AUTS2: variants seen among roughly 807,000 people sequenced by gnomAD.
AUTS2 encodes activator of transcription and developmental regulator AUTS2.
A neutral mutation model predicts 112.4 loss-of-function variants in AUTS2; 17 were observed. The ratio of observed to expected loss-of-function variants is 0.15; its 90% CI spans 0.10 to 0.23. The LOEUF is 0.23. Ranked by LOEUF, AUTS2 falls within the 10% of genes least tolerant of loss-of-function variation. The probability of loss-of-function intolerance (pLI) is 1.00; values close to 1 mark genes in which losing one functional copy is unlikely to be tolerated. For missense variants in AUTS2, 1,510 were observed against 1,701.6 expected (o/e 0.89, Z 1.98); for synonymous variants, 751 against 702.7 (o/e 1.07, Z -1.09).
intron 4 of AUTS2, among the ~76,000 whole-genome samples, chr7:70,266,564 A>T (rs996743646): frequency 6.6e-6 from 1 of 152,294 alleles, no homozygotes; most frequent in East Asian, 1.9e-4. Context: ...GTGGGGTCTG[A>T]TGGCAAATTG....
Position 69,599,700 on chromosome 7 carries a change from C to T in AUTS2, c.47C>T (p.Ser16Leu). The T allele has an allele frequency of 7.5e-7, 1 of 1,326,090 alleles. No individual in the cohort carries two copies. Among genetic ancestry groups the T allele is most frequent in the Non-Finnish European group, 9.6e-7 (1 of 1,042,456 alleles). 82.1% of individuals were successfully genotyped at this position (1,326,090 alleles called of 1,614,324 possible). A position where few individuals can be genotyped will look rare whatever the true frequency, so the allele number is the denominator to read the frequency against. The change falls in exon 1 of 19, where the codon TCG becomes TTG. Residue 16 changes from serine (S) to leucine (L), a missense_variant. Around this residue, in one of 3 missense-constraint regions of AUTS2, gnomAD observed 535 missense variants for 594.3 expected, o/e 0.90. Transcript: ENST00000342771. The surrounding 1 kb of genome is among the most constrained non-coding windows in gnomAD (Gnocchi z 7.0). ...CATGGACTCCGCAAAAAGCGGCGGT[C>T]GCGGTCGCAGCGAGACCGGGAGAGG... Reference protein sequence around the residue: ...RGHGLRKKRRSRSQRDRERRS... With the variant: ...RGHGLRKKRRLRSQRDRERRS...
chr7:70,716,587 A>G (rs1438116263), intron 6 of AUTS2, among the ~76,000 whole-genome samples: 2 of 136,212 alleles, frequency 1.5e-5, no homozygotes, highest in East Asian at 2.4e-4. Context: ...CAGTGAGCCT[A>G]GATGGCGCCA....
intron 3 of AUTS2, among the ~76,000 whole-genome samples, chr7:70,132,861 GTC>G (rs978377579): frequency 6.6e-6 from 1 of 152,138 alleles, no homozygotes; most frequent in Non-Finnish European, 1.5e-5. Flanking sequence ...AAATCCCATG[GTC>G]TCTCTGAGTA....
chr7:70,265,041 C>A (rs1787350504), intron 4 of AUTS2, among the ~76,000 whole-genome samples: 1 of 152,148 alleles, frequency 6.6e-6, no homozygotes, highest in Admixed American at 6.6e-5. Context: ...ATTTTATATT[C>A]CTCAAATGTA....
At chr7:69,746,486 T>A (rs1787500748) in intron 1 of AUTS2, among the ~76,000 whole-genome samples, 1 of 152,094 alleles carries the variant, frequency 6.6e-6, no homozygotes, top group South Asian at 2.1e-4. Flanking sequence ...GTGCTAGTCA[T>A]CAGGAAAGAC....
At chr7:70,735,930 A>T (rs1182118150) in intron 6 of AUTS2, among the ~76,000 whole-genome samples, 2 of 152,174 alleles carry the variant, frequency 1.3e-5, no homozygotes, top group Non-Finnish European at 2.9e-5. Context: ...AGTTTAGATC[A>T]GTTGCAATCA....
At chr7:70,358,033 T>C (rs1792090503) in intron 4 of AUTS2, among the ~76,000 whole-genome samples, 1 of 152,174 alleles carries the variant, frequency 6.6e-6, no homozygotes, top group Admixed American at 6.5e-5. Context: ...TACAGTCCAC[T>C]CCGGATGACG....
intron 5 of AUTS2, among the ~76,000 whole-genome samples, chr7:70,678,865 G>A (rs967674740): frequency 1.3e-5 from 2 of 152,194 alleles, no homozygotes; most frequent in Non-Finnish European, 2.9e-5. Flanking sequence ...AGAGGCCCAA[G>A]TGTGTGCAGG....
intron 2 of AUTS2, among the ~76,000 whole-genome samples, chr7:69,979,829 G>A (rs751273403): frequency 2.6e-5 from 4 of 152,208 alleles, no homozygotes; most frequent in Admixed American, 6.5e-5. Flanking sequence ...AGAAAAGAGG[G>A]ATACAGATTC....
At chr7:69,930,063 T>C (rs1429261065) in intron 2 of AUTS2, among the ~76,000 whole-genome samples, 1 of 152,234 alleles carries the variant, frequency 6.6e-6, no homozygotes, top group Non-Finnish European at 1.5e-5. Context: ...AGTCTAGGCC[T>C]TGGTTATTCC....
At chr7:69,634,356 G>A (rs1395278734) in intron 1 of AUTS2, among the ~76,000 whole-genome samples, 3 of 151,770 alleles carry the variant, frequency 2.0e-5, no homozygotes, top group South Asian at 2.1e-4. Context: ...TCCTGACCTC[G>A]TGATCCGCCC....
At chr7:69,728,361 G>T (rs1014233376) in intron 1 of AUTS2, among the ~76,000 whole-genome samples, 1 of 152,218 alleles carries the variant, frequency 6.6e-6, no homozygotes, top group Non-Finnish European at 1.5e-5. Context: ...TTAGTAGAGC[G>T]TGTAAATGTA....
chr7:70,095,913 A>C (rs2129568516), intron 2 of AUTS2, among the ~76,000 whole-genome samples: 1 of 152,366 alleles, frequency 6.6e-6, no homozygotes, highest in Non-Finnish European at 1.5e-5. Context: ...AATTTAGTAC[A>C]CAGTTTTAAG....
At chr7:69,748,010 C>A (rs533629779) in intron 1 of AUTS2, among the ~76,000 whole-genome samples, 1 of 151,364 alleles carries the variant, frequency 6.6e-6, no homozygotes, top group Non-Finnish European at 1.5e-5. Flanking sequence ...AAAGCCAAAT[C>A]GAATCTAGAT....
At chr7:70,653,637 G>C (rs1240340668) in intron 5 of AUTS2, among the ~76,000 whole-genome samples, 3 of 152,166 alleles carry the variant, frequency 2.0e-5, no homozygotes, top group Admixed American at 2.0e-4. Flanking sequence ...GAGAGCCAAG[G>C]TTGCATCTTT....
intron 1 of AUTS2, among the ~76,000 whole-genome samples, chr7:69,679,547 T>C (rs1796704037): frequency 1.3e-5 from 2 of 152,224 alleles, no homozygotes; most frequent in Non-Finnish European, 2.9e-5. Context: ...ACCTGGTAGA[T>C]TGTTCGGCAG....
chr7:70,487,974 C>T (rs889842494), intron 5 of AUTS2, among the ~76,000 whole-genome samples: 1 of 152,250 alleles, frequency 6.6e-6, no homozygotes, highest in African/African-American at 2.4e-5. Flanking sequence ...TAGAGGGCTC[C>T]GAAGGGAGAG....
At chr7:70,198,593 A>G (rs1810316396) in intron 4 of AUTS2, among the ~76,000 whole-genome samples, 1 of 117,984 alleles carries the variant, frequency 8.5e-6, no homozygotes, top group African/African-American at 3.3e-5. Flanking sequence ...GGGTATCAGC[A>G]ATGGAAGATG....
intron 5 of AUTS2, among the ~76,000 whole-genome samples, chr7:70,658,769 T>G (rs1382763878): frequency 6.6e-6 from 1 of 152,206 alleles, no homozygotes; most frequent in African/African-American, 2.4e-5. Flanking sequence ...TAAGCCTGCG[T>G]ATTTTCTTAT....
Sources: gnomAD v4.1 joint callset for allele counts (sites outside exome capture counted in the v4.1 genomes callset) on GRCh38, gnomAD v4.1.1 for gene constraint, gnomAD v4.1.1 regional missense constraint, Gnocchi (gnomAD v3.1) non-coding constraint, MANE v1.5 for transcripts, NCBI Gene and HGNC (gene_info 2026-07-23, HGNC 2026-07-21) for gene names.